The following ZNF737 variants were observed in gnomAD, a reference collection of about 807,000 sequenced individuals.
ZNF737 encodes the protein zinc finger protein 737.
In ZNF737, 13 loss-of-function variants were observed where a neutral mutation model predicts 11.7. That is an observed-to-expected ratio of 1.11 (90% CI 0.73 to 1.77). ZNF737 has a LOEUF of 1.77. Among genes scored for constraint, ZNF737 ranks in the 40% most tolerant of loss-of-function variants. ZNF737 has a pLI of 0.00. For synonymous variants in ZNF737, 217 were observed against 216.2 expected, an observed-to-expected ratio of 1.00 and a Z score of -0.03; for missense variants, 636 against 638.0, an observed-to-expected ratio of 1.00 and a Z score of 0.03.
At chr19:20,550,325 A>T (rs541067938) in intron 3 of ZNF737, among the ~76,000 whole-genome samples, 2 of 152,270 alleles carry the variant, frequency 1.3e-5, no homozygotes, top group South Asian at 4.2e-4. Flanking sequence ...ACATCCTATA[A>T]TTCCTTTTTA....
downstream of ZNF737, chr19:20,535,902 AAAAC>A (rs1162222843): frequency 1.0e-5 from 2 of 192,388 alleles, no homozygotes; most frequent in African/African-American, 4.7e-5. Context: ...GTACAATAAT[AAAAC>A]AAACAAAAAA....
rs1968327552 is a variant in ZNF737, at chr19:20,544,050, C to T, written c.*542G>A. The T allele has an allele frequency of 1.2e-6, 1 of 807,156 alleles. No individual in the cohort carries two copies. Among genetic ancestry groups the T allele is most frequent in the East Asian group, 1.3e-4 (1 of 7,944 alleles). The allele number at this position is 807,156 out of a possible 1,614,324, so 50.0% of individuals were successfully genotyped here. A position where few individuals can be genotyped will look rare whatever the true frequency, so the allele number is the denominator to read the frequency against. On this transcript the variant is annotated 3_prime_UTR_variant, in exon 4 of 4. Transcript: ENST00000427401. Reference sequence around the variant, plus strand: ...AGCTGAGGTAGGAGAATGGCTTAAACCCAGGAGGCAGAGGTTGCAGTGAGC... The same window carrying T: ...AGCTGAGGTAGGAGAATGGCTTAAATCCAGGAGGCAGAGGTTGCAGTGAGC...
chr19:20,532,851 C>T (rs1555753143), downstream of ZNF737, among the ~76,000 whole-genome samples: 1 of 149,762 alleles, frequency 6.7e-6, no homozygotes, highest in Non-Finnish European at 1.5e-5. Flanking sequence ...TACCATGTAC[C>T]ATTATATTTG....
chr19:20,562,828 C>G (rs1233191813), intron 1 of ZNF737, among the ~76,000 whole-genome samples: 1 of 152,086 alleles, frequency 6.6e-6, no homozygotes, highest in African/African-American at 2.4e-5. Flanking sequence ...CTTTGAGCTA[C>G]CCTCAGTCTG....
chr19:20,532,924 A>G (rs1181478453), downstream of ZNF737, among the ~76,000 whole-genome samples: 5 of 150,046 alleles, frequency 3.3e-5, no homozygotes, highest in African/African-American at 1.2e-4. Flanking sequence ...CATTACCATA[A>G]ATACCTGACT....
At position 20,538,488 on chromosome 19, in the gene ZNF737, G is replaced by A. The variant is rs1555754383; in HGVS notation, c.*6104C>T. 5.0e-6 allele frequency: 1 copy of A among 199,842 alleles called. No individual in the cohort carries two copies. The highest frequency in any genetic ancestry group is 6.5e-5 in the Admixed American group (1 of 15,312). The allele number at this position is 199,842 out of a possible 1,614,324, so 12.4% of individuals were successfully genotyped here. On this transcript the variant is annotated 3_prime_UTR_variant, in exon 4 of 4. Coordinates refer to ENST00000427401, the MANE Select transcript of ZNF737 (RefSeq NM_001159293.2). ...AATGAAAACCAGACACAGCAGTAGG[G>A]TGGACACGTCAAGTTATAAATGACT...
intron 1 of ZNF737, among the ~76,000 whole-genome samples, chr19:20,555,352 T>C (rs551387254): frequency 5.9e-5 from 9 of 152,038 alleles, no homozygotes; most frequent in Admixed American, 4.6e-4. Context: ...CTGGCTAATT[T>C]TTTGCATTTT....
intron 3 of ZNF737, among the ~76,000 whole-genome samples, chr19:20,547,380 C>CAA (rs1209880969): frequency 0.1 from 6,492 of 64,544 alleles, 282 homozygotes; most frequent in East Asian, 0.15. Context: ...GACTCCGTCT[C>CAA]AAAAAAAAAA....
chr19:20,548,110 T>TA (rs1968522934), intron 3 of ZNF737, among the ~76,000 whole-genome samples: 1 of 151,978 alleles, frequency 6.6e-6, no homozygotes, highest in Non-Finnish European at 1.5e-5. Context: ...CCACTGTACT[T>TA]TAGCCTGGGC....
At position 20,541,032 on chromosome 19, in the gene ZNF737, G is replaced by C; in HGVS notation, c.*3560C>G. On this transcript the variant is annotated 3_prime_UTR_variant, in exon 4 of 4. Transcript: ENST00000427401. The stretch of plus-strand genomic sequence containing the variant: ...AGAGGGCTTTTATTATTGTACTCAA[G>C]AGAGTTGTTTCTGGAGACAAAGTTG... The C allele has an allele frequency of 1.0e-6, 1 of 985,120 alleles. No individual in the cohort carries two copies. Among genetic ancestry groups the C allele is most frequent in the Non-Finnish European group, 1.2e-6 (1 of 829,868 alleles). 61.0% of individuals were successfully genotyped at this position (985,120 alleles called of 1,614,324 possible).
chr19:20,556,883 G>A (rs1298625643), intron 1 of ZNF737, among the ~76,000 whole-genome samples: 1 of 152,192 alleles, frequency 6.6e-6, no homozygotes, highest in Non-Finnish European at 1.5e-5. Context: ...AACACATTAG[G>A]TGATTTAATT....
At chr19:20,548,572 G>C (rs1968539707) in intron 3 of ZNF737, among the ~76,000 whole-genome samples, 1 of 152,048 alleles carries the variant, frequency 6.6e-6, no homozygotes, top group Admixed American at 6.6e-5. Flanking sequence ...CTTTCTAAAA[G>C]TCTTTTGCTT....
chr19:20,535,860 A>G (rs570804304), downstream of ZNF737: 1 of 159,160 alleles, frequency 6.3e-6, no homozygotes, highest in East Asian at 1.9e-4. Context: ...AGTGTAAAAA[A>G]AAAAAAAAAA....
At position 20,543,078 on chromosome 19, in the gene ZNF737, T is replaced by C. The variant is rs1968284590; in HGVS notation, c.*1514A>G. 1 of 977,382 alleles carries C rather than the reference T, an allele frequency of 1.0e-6. No individual in the cohort carries two copies. Among genetic ancestry groups the C allele is most frequent in the African/African-American group, 1.8e-5 (1 of 57,036 alleles). 60.5% of individuals were successfully genotyped at this position (977,382 alleles called of 1,614,324 possible). On this transcript the variant is annotated 3_prime_UTR_variant, in exon 4 of 4. Coordinates refer to ENST00000427401, the MANE Select transcript of ZNF737 (RefSeq NM_001159293.2). ...TGAAGTGTCGGGGCCTTAGTTATTC[T>C]ACTGTAAACTCTCTTGATATTTATA... is the stretch of plus-strand genomic sequence containing the variant.
Position 20,553,808 on chromosome 19 carries a change from T to A in ZNF737, c.31A>T (p.Ile11Leu). 6.2e-7 allele frequency: 1 copy of A among 1,613,896 alleles called. No homozygotes were observed. The highest frequency in any genetic ancestry group is 1.1e-5 in the South Asian group (1 of 91,024). Residue 11 changes from isoleucine to leucine, a missense_variant, in exon 2 of 4, where the codon ATA (isoleucine) becomes TTA (leucine). Transcript: ENST00000427401. ...TGCCACTCCTCCAGAGAGAATTCTATGGCCACGTCTCTAAATTGCAATGGC... is the reference window on the plus strand; with the variant it reads ...TGCCACTCCTCCAGAGAGAATTCTAAGGCCACGTCTCTAAATTGCAATGGC... MGPLQFRDVAIEFSLEEWHCL... is the reference protein window; with the variant it reads MGPLQFRDVALEFSLEEWHCL...
chr19:20,557,484 C>T (rs572526637), intron 1 of ZNF737, among the ~76,000 whole-genome samples: 1,517 of 68,674 alleles, frequency 0.022, 28 homozygotes, highest in African/African-American at 0.066. Flanking sequence ...TCTAAGCTTA[C>T]CTAAAAAAAA....
At chr19:20,549,585 G>A (rs1178274828) in intron 3 of ZNF737, among the ~76,000 whole-genome samples, 1 of 151,820 alleles carries the variant, frequency 6.6e-6, no homozygotes, top group African/African-American at 2.4e-5. Flanking sequence ...ACAACAATAA[G>A]AGAAATGTTT....
intron 3 of ZNF737, among the ~76,000 whole-genome samples, chr19:20,548,283 A>AT (rs1555757480): frequency 2.0e-5 from 3 of 152,232 alleles, no homozygotes; most frequent in African/African-American, 7.2e-5. Context: ...ATTTATAAAC[A>AT]TATCAAAAAA....
chr19:20,542,613 T>C lies in ZNF737; in HGVS notation c.*1979A>G. 1.0e-6 allele frequency: 1 copy of C among 972,742 alleles called. No individual in the cohort carries two copies. Among genetic ancestry groups the C allele is most frequent in the Non-Finnish European group, 1.2e-6 (1 of 818,440 alleles). 60.3% of individuals were successfully genotyped at this position (972,742 alleles called of 1,614,324 possible). A position where few individuals can be genotyped will look rare whatever the true frequency, so the allele number is the denominator to read the frequency against. ...ATATACTCATTTATTTTAATATACT[T>C]TTAATTATTTCTTTGTGTCACTATA... On this transcript the variant is annotated 3_prime_UTR_variant, in exon 4 of 4. Transcript: ENST00000427401.
Sources: allele counts gnomAD v4.1 joint callset (sites outside exome capture counted in the v4.1 genomes callset), GRCh38; gene constraint gnomAD v4.1.1; transcripts MANE v1.5; gene names NCBI Gene and HGNC (gene_info 2026-07-23, HGNC 2026-07-21).